Variants in IPCEF1 observed in about 807,000 individuals in gnomAD.
IPCEF1 encodes the protein interaction protein for cytohesin exchange factors 1, also known as interactor protein for cytohesin exchange factors 1.
Under a neutral mutation model 50.9 loss-of-function variants are expected in IPCEF1, and 31 were observed. The observed-to-expected ratio is 0.61, with a 90% CI of 0.46 to 0.82. IPCEF1 has a LOEUF of 0.82. Among genes scored for constraint, IPCEF1 ranks in the 40% least tolerant of loss-of-function variants. The pLI is 0.00. For synonymous variants in IPCEF1, 181 were observed against 192.0 expected (o/e 0.94, Z 0.47); for missense variants, 458 against 514.0 (o/e 0.89, Z 1.05).
intron 9 of IPCEF1, among the ~76,000 whole-genome samples, chr6:154,204,605 G>A (rs1777334775): frequency 6.6e-6 from 1 of 152,064 alleles, no homozygotes; most frequent in Non-Finnish European, 1.5e-5. Context: ...ATGACCTTGG[G>A]CAATGTGCTG....
intron 1 of IPCEF1, among the ~76,000 whole-genome samples, chr6:154,324,577 G>T (rs537258560): frequency 6.6e-6 from 1 of 151,900 alleles, no homozygotes; most frequent in Non-Finnish European, 1.5e-5. Context: ...GGAGGCCAAG[G>T]CGGGCAGATC....
At chr6:154,321,151 G>A (rs990383437) in intron 1 of IPCEF1, among the ~76,000 whole-genome samples, 8 of 151,886 alleles carry the variant, frequency 5.3e-5, no homozygotes, top group East Asian at 1.9e-4. Context: ...GGCTAGTTTC[G>A]AACTTCTGGG....
intron 1 of IPCEF1, among the ~76,000 whole-genome samples, chr6:154,313,672 T>C (rs962276300): frequency 5.3e-5 from 8 of 152,200 alleles, no homozygotes; most frequent in African/African-American, 1.9e-4. Flanking sequence ...TAGAATTGTA[T>C]GTATGCTTTA....
intron 2 of IPCEF1, among the ~76,000 whole-genome samples, chr6:154,285,884 C>T (rs900438165): frequency 3.9e-5 from 6 of 152,130 alleles, no homozygotes; most frequent in Admixed American, 3.9e-4. Context: ...CACTTGGTAA[C>T]ATAAATCAAA....
At chr6:154,230,873 A>G (rs1779662575) in intron 5 of IPCEF1, among the ~76,000 whole-genome samples, 1 of 151,156 alleles carries the variant, frequency 6.6e-6, no homozygotes, top group Non-Finnish European at 1.5e-5. Context: ...TGAATTCAAG[A>G]AAAAAAAACA....
chr6:154,206,975 A>C (rs1469579943), intron 9 of IPCEF1, among the ~76,000 whole-genome samples: 1 of 152,250 alleles, frequency 6.6e-6, no homozygotes, highest in African/African-American at 2.4e-5. Context: ...AAGCAATGAG[A>C]ATTCACTGGA....
intron 10 of IPCEF1, among the ~76,000 whole-genome samples, chr6:154,174,208 C>G (rs1346587111): frequency 6.6e-6 from 1 of 152,186 alleles, no homozygotes; most frequent in Non-Finnish European, 1.5e-5. Context: ...GTACCAGCCA[C>G]TGCAAAAACA....
chr6:154,229,389 G>A (rs1460503934), intron 5 of IPCEF1, among the ~76,000 whole-genome samples: 1 of 127,820 alleles, frequency 7.8e-6, no homozygotes, highest in Admixed American at 9.7e-5. Flanking sequence ...TCTCTCTGTC[G>A]CCCAGGCTGG....
Position 154,199,524 on chromosome 6 carries a change from G to A in IPCEF1, c.910+144C>T, listed in dbSNP as rs576538536. On this transcript the variant is annotated intron_variant, in intron 10 of 11. Transcript: ENST00000367220. Reference sequence around the variant, plus strand: ...GTCCACATGCAAACTCCTCTACAAAGCAACCTCTGGGCATAGCCCCACTTG... The same window carrying A: ...GTCCACATGCAAACTCCTCTACAAAACAACCTCTGGGCATAGCCCCACTTG... 2,276 of 955,648 alleles carry A rather than the reference G, an allele frequency of 2.4e-3. 9 individuals are homozygous for A. Among genetic ancestry groups the A allele is most frequent in the Non-Finnish European group, 2.5e-3 (1,691 of 669,534 alleles). 59.2% of individuals were successfully genotyped at this position (955,648 alleles called of 1,614,324 possible).
intron 10 of IPCEF1, among the ~76,000 whole-genome samples, chr6:154,190,853 G>A (rs1172871555): frequency 2.0e-5 from 3 of 152,098 alleles, no homozygotes; most frequent in Admixed American, 6.6e-5. Context: ...CCAGGAGATC[G>A]AGACCATCCT....
intron 2 of IPCEF1, among the ~76,000 whole-genome samples, chr6:154,274,406 C>A: frequency 6.6e-6 from 1 of 152,182 alleles, no homozygotes; most frequent in East Asian, 1.9e-4. Context: ...ACAATCAAGG[C>A]TCAGACACAC....
chr6:154,261,182 G>A (rs1200274641), intron 3 of IPCEF1, among the ~76,000 whole-genome samples: 2 of 152,054 alleles, frequency 1.3e-5, no homozygotes, highest in African/African-American at 4.8e-5. Context: ...CTACAGACAT[G>A]AACCAATACG....
intron 1 of IPCEF1, among the ~76,000 whole-genome samples, chr6:154,328,198 C>T (rs1339559601): frequency 6.6e-6 from 1 of 152,120 alleles, no homozygotes; most frequent in Non-Finnish European, 1.5e-5. Flanking sequence ...CCTGCACATC[C>T]TGTACGTGCA....
At chr6:154,312,991 C>G (rs1331227270) in intron 1 of IPCEF1, among the ~76,000 whole-genome samples, 3 of 145,932 alleles carry the variant, frequency 2.1e-5, no homozygotes, top group African/African-American at 7.8e-5. Flanking sequence ...GTGGGAAGAT[C>G]ACTTGAGCCC....
At chr6:154,331,606 C>T (rs560336440) in intron 1 of IPCEF1, among the ~76,000 whole-genome samples, 47 of 152,104 alleles carry the variant, frequency 3.1e-4, no homozygotes, top group Admixed American at 1.3e-4. Flanking sequence ...AGAAAACACC[C>T]GAAGCTGGTG....
chr6:154,305,114 C>CAA (rs5881075), intron 1 of IPCEF1, among the ~76,000 whole-genome samples: 94 of 134,154 alleles, frequency 7.0e-4, no homozygotes, highest in African/African-American at 1.4e-3. Context: ...AACTCTGTCT[C>CAA]AAAAAAAAAA....
At chr6:154,305,928 G>A (rs1372082349) in intron 1 of IPCEF1, among the ~76,000 whole-genome samples, 9 of 152,170 alleles carry the variant, frequency 5.9e-5, no homozygotes, top group Non-Finnish European at 8.8e-5. Flanking sequence ...TCTAAGGGCC[G>A]CATTGTCGGC....
chr6:154,193,988 T>C (rs1776375313), intron 10 of IPCEF1, among the ~76,000 whole-genome samples: 1 of 152,204 alleles, frequency 6.6e-6, no homozygotes, highest in South Asian at 2.1e-4. Flanking sequence ...CATACACAGT[T>C]TACATCATAA....
intron 1 of IPCEF1, among the ~76,000 whole-genome samples, chr6:154,305,114 CAA>C (rs5881075): frequency 6.7e-5 from 9 of 134,120 alleles, no homozygotes; most frequent in African/African-American, 8.2e-5. Context: ...AACTCTGTCT[CAA>C]AAAAAAAAAA....
Sources: gnomAD v4.1 joint callset for allele counts (sites outside exome capture counted in the v4.1 genomes callset) on GRCh38, gnomAD v4.1.1 for gene constraint, MANE v1.5 for transcripts, NCBI Gene and HGNC (gene_info 2026-07-23, HGNC 2026-07-21) for gene names.